AKT3: variants seen among roughly 807,000 people sequenced by gnomAD.
AKT3 encodes AKT serine/threonine kinase 3.
Under a neutral mutation model 65.3 loss-of-function variants are expected in AKT3, and 15 were observed. The observed-to-expected ratio is 0.23, with a 90% confidence interval of 0.15 to 0.35. AKT3 has a LOEUF of 0.35. Ranked by LOEUF, AKT3 falls within the 10% of genes least tolerant of loss-of-function variation. The probability of loss-of-function intolerance (pLI) is 1.00; values close to 1 mark genes in which losing one functional copy is unlikely to be tolerated. For synonymous variants in AKT3, 206 were observed against 183.8 expected, an observed-to-expected ratio of 1.12 and a Z score of -0.98; for missense variants, 243 against 576.5, an observed-to-expected ratio of 0.42 and a Z score of 5.92.
intron 8 of AKT3, among the ~76,000 whole-genome samples, chr1:243,599,712 T>G (rs1676875136): frequency 6.6e-6 from 1 of 152,164 alleles, no homozygotes; most frequent in Non-Finnish European, 1.5e-5. Context: ...ACGAAAAATC[T>G]ACAGCTAACA....
At chr1:243,795,625 C>A (rs1015796200) in intron 2 of AKT3, among the ~76,000 whole-genome samples, 1 of 150,596 alleles carries the variant, frequency 6.6e-6, no homozygotes, top group Non-Finnish European at 1.5e-5. Context: ...GCGCCCGCCA[C>A]TACGCCCGGC....
At chr1:243,514,522 A>C (rs1447829881) in intron 12 of AKT3, among the ~76,000 whole-genome samples, 1 of 152,238 alleles carries the variant, frequency 6.6e-6, no homozygotes, top group Non-Finnish European at 1.5e-5. Context: ...ATACACAGGC[A>C]CGTATACATG....
At position 243,503,853 on chromosome 1, in the gene AKT3, T is replaced by C; in HGVS notation, c.*1396A>G. 1 of 229,354 alleles carries C rather than the reference T, an allele frequency of 4.4e-6. No homozygotes were observed. The highest frequency in any genetic ancestry group is 5.7e-5 in the Admixed American group (1 of 17,648). The allele number at this position is 229,354 out of a possible 1,614,324, so 14.2% of individuals were successfully genotyped here. Reference sequence around the variant, plus strand: ...TGTTCATTTTGCCACGTAAAGATCATTTCTTATCTTCACTCAGGTCTCAAT... The same window carrying C: ...TGTTCATTTTGCCACGTAAAGATCACTTCTTATCTTCACTCAGGTCTCAAT... On this transcript the variant is annotated 3_prime_UTR_variant, in exon 14 of 14. Coordinates refer to ENST00000673466, the MANE Select transcript of AKT3 (RefSeq NM_005465.7).
chr1:243,717,939 AT>A (rs1038244135), intron 2 of AKT3, among the ~76,000 whole-genome samples: 21 of 152,158 alleles, frequency 1.4e-4, no homozygotes, highest in African/African-American at 4.8e-4. Flanking sequence ...CAGTACTTTT[AT>A]TTTTAAAATA....
intron 13 of AKT3, among the ~76,000 whole-genome samples, chr1:243,509,339 A>C (rs1027447148): frequency 2.0e-5 from 3 of 152,184 alleles, no homozygotes; most frequent in African/African-American, 7.2e-5. Flanking sequence ...CTAGAGATTG[A>C]GCAATAAAAT....
intron 2 of AKT3, among the ~76,000 whole-genome samples, chr1:243,719,452 T>G (rs1686735433): frequency 6.6e-6 from 1 of 152,202 alleles, no homozygotes; most frequent in Non-Finnish European, 1.5e-5. Flanking sequence ...CAACTTTAGT[T>G]TTCCTGACTA....
At chr1:243,621,999 T>C (rs1678788946) in intron 6 of AKT3, among the ~76,000 whole-genome samples, 1 of 152,202 alleles carries the variant, frequency 6.6e-6, no homozygotes, top group Non-Finnish European at 1.5e-5. Flanking sequence ...CAGTCTATTG[T>C]CAACACTGCA....
At chr1:243,590,735 G>A (rs907879929) in intron 8 of AKT3, among the ~76,000 whole-genome samples, 2 of 152,008 alleles carry the variant, frequency 1.3e-5, no homozygotes, top group Non-Finnish European at 2.9e-5. Context: ...CTAAAGAATC[G>A]ATATAAATTA....
chr1:243,723,815 G>T (rs1343513133), intron 2 of AKT3, among the ~76,000 whole-genome samples: 2 of 152,144 alleles, frequency 1.3e-5, no homozygotes, highest in Non-Finnish European at 2.9e-5. Context: ...CAGCTACTTG[G>T]GAGTCTGAGG....
chr1:243,516,301 C>G (rs1433507727), intron 12 of AKT3, among the ~76,000 whole-genome samples: 4 of 152,172 alleles, frequency 2.6e-5, no homozygotes, highest in African/African-American at 9.7e-5. Context: ...ATACATAATG[C>G]TTCCATATTA....
At chr1:243,818,859 G>C (rs558741281) in intron 2 of AKT3, among the ~76,000 whole-genome samples, 1 of 152,042 alleles carries the variant, frequency 6.6e-6, no homozygotes, top group East Asian at 1.9e-4. Flanking sequence ...CAGTTGGCGC[G>C]ACCTATGGAG....
chr1:243,686,476 T>C (rs1386835841), intron 3 of AKT3, among the ~76,000 whole-genome samples: 1 of 151,272 alleles, frequency 6.6e-6, no homozygotes, highest in Non-Finnish European at 1.5e-5. Context: ...TTAAGACTCT[T>C]TAAAGAAAGC....
intron 13 of AKT3, among the ~76,000 whole-genome samples, chr1:243,510,341 G>T (rs1669940547): frequency 2.0e-5 from 3 of 152,214 alleles, no homozygotes; most frequent in Admixed American, 6.5e-5. Flanking sequence ...AATAACGAAT[G>T]AGACAAACTA....
At chr1:243,644,733 C>G (rs1221760785) in intron 5 of AKT3, among the ~76,000 whole-genome samples, 6 of 152,120 alleles carry the variant, frequency 3.9e-5, no homozygotes, top group Non-Finnish European at 8.8e-5. Context: ...GGTTCAAATA[C>G]TTAACCATAT....
chr1:243,660,312 G>A (rs1682201684), intron 4 of AKT3, among the ~76,000 whole-genome samples: 1 of 152,074 alleles, frequency 6.6e-6, no homozygotes, highest in African/African-American at 2.4e-5. Flanking sequence ...TATTTCTGTG[G>A]GATCTGTGGT....
intron 3 of AKT3, among the ~76,000 whole-genome samples, chr1:243,669,409 A>T (rs1343777930): frequency 6.6e-6 from 1 of 152,160 alleles, no homozygotes; most frequent in Admixed American, 6.5e-5. Flanking sequence ...GCAAAGAAAG[A>T]ATGCCCGGTC....
intron 8 of AKT3, among the ~76,000 whole-genome samples, chr1:243,601,346 C>T (rs1676987673): frequency 1.3e-5 from 2 of 151,932 alleles, no homozygotes; most frequent in Non-Finnish European, 2.9e-5. Context: ...AAAAGAAGTT[C>T]AATATCATTA....
chr1:243,499,310 A>C (rs901230523), downstream of AKT3, among the ~76,000 whole-genome samples: 2 of 152,204 alleles, frequency 1.3e-5, no homozygotes, highest in African/African-American at 4.8e-5. Context: ...GAGGTGTTTC[A>C]GCTTGTATTG....
chr1:243,780,839 G>T (rs923564457), intron 2 of AKT3, among the ~76,000 whole-genome samples: 2 of 151,628 alleles, frequency 1.3e-5, no homozygotes, highest in African/African-American at 4.8e-5. Context: ...TCCTTTGAAT[G>T]AATCCTTCCA....
Sources: allele counts gnomAD v4.1 joint callset (sites outside exome capture counted in the v4.1 genomes callset), GRCh38; gene constraint gnomAD v4.1.1; transcripts MANE v1.5; gene names NCBI Gene and HGNC (gene_info 2026-07-23, HGNC 2026-07-21).